FHIT: variants seen among roughly 807,000 people sequenced by gnomAD.
FHIT encodes bis(5'-adenosyl)-triphosphatase.
FHIT carries 19 observed loss-of-function variants against 17.9 expected under a neutral mutation model. That is an observed-to-expected ratio of 1.06 (90% CI 0.74 to 1.56). The LOEUF is 1.56. Ranked by LOEUF, FHIT falls within the 40% of genes most tolerant of loss-of-function variation. The probability of loss-of-function intolerance (pLI) is 0.00; values close to 1 mark genes in which losing one functional copy is unlikely to be tolerated. For missense variants in FHIT, 248 were observed against 189.2 expected (o/e 1.31, Z -1.82); for synonymous variants, 81 against 69.7 (o/e 1.16, Z -0.81).
At chr3:59,859,428 C>T (rs1432901911) in intron 8 of FHIT, among the ~76,000 whole-genome samples, 1 of 152,168 alleles carries the variant, frequency 6.6e-6, no homozygotes, top group Non-Finnish European at 1.5e-5. Context: ...GAATAAAAAT[C>T]CATTCCAGGC....
chr3:61,065,450 A>T (rs7619351), intron 2 of FHIT, among the ~76,000 whole-genome samples: 83,385 of 151,922 alleles, frequency 0.55, 24,003 homozygotes, highest in Non-Finnish European at 0.65. Flanking sequence ...AGAATCATGG[A>T]ATATAAAAAT....
chr3:60,434,242 C>T (rs970054918), intron 5 of FHIT, among the ~76,000 whole-genome samples: 6 of 152,094 alleles, frequency 3.9e-5, no homozygotes, highest in African/African-American at 1.4e-4. Context: ...CCACTATCTA[C>T]CTCTCAGCAT....
chr3:60,657,297 T>C (rs2040139788), intron 4 of FHIT, among the ~76,000 whole-genome samples: 1 of 152,160 alleles, frequency 6.6e-6, no homozygotes. Context: ...TGGAGAGTTC[T>C]CAAAATGTTG....
chr3:59,904,570 G>C (rs1704496160), intron 8 of FHIT, among the ~76,000 whole-genome samples: 1 of 152,174 alleles, frequency 6.6e-6, no homozygotes, highest in Admixed American at 6.5e-5. Context: ...GGGAACCCCT[G>C]GCCAGTGATG....
At chr3:60,259,707 T>G (rs943237617) in intron 5 of FHIT, among the ~76,000 whole-genome samples, 1 of 152,090 alleles carries the variant, frequency 6.6e-6, no homozygotes, top group African/African-American at 2.4e-5. Flanking sequence ...CCCAGGGACT[T>G]GCAGACAGTA....
At chr3:60,984,814 G>A (rs1710652215) in intron 3 of FHIT, among the ~76,000 whole-genome samples, 1 of 130,444 alleles carries the variant, frequency 7.7e-6, no homozygotes, top group Non-Finnish European at 1.6e-5. Context: ...GTGTGTGTGT[G>A]TGCATATACA....
At chr3:59,799,408 C>G (rs1559616534) in intron 8 of FHIT, among the ~76,000 whole-genome samples, 1 of 111,450 alleles carries the variant, frequency 9.0e-6, no homozygotes. Context: ...TTTGGTTTCT[C>G]AAGGCCTGTG....
chr3:60,011,498 TTG>T, intron 6 of FHIT, 98 bp from the exon 7 acceptor site: 1 of 1,043,866 alleles, frequency 9.6e-7, no homozygotes, highest in South Asian at 1.3e-5. Flanking sequence ...TGCAATTTCA[TTG>T]TGTGTTAATT....
chr3:60,945,777 T>C (rs1318141206), intron 3 of FHIT, among the ~76,000 whole-genome samples: 1 of 152,208 alleles, frequency 6.6e-6, no homozygotes, highest in Non-Finnish European at 1.5e-5. Flanking sequence ...ATTGTTTCTC[T>C]TTCTCCAGTG....
intron 3 of FHIT, among the ~76,000 whole-genome samples, chr3:60,955,272 T>C (rs1553778345): frequency 6.6e-6 from 1 of 152,062 alleles, no homozygotes; most frequent in African/African-American, 2.4e-5. Context: ...GAATAAATCT[T>C]AGAAACAGAA....
intron 3 of FHIT, among the ~76,000 whole-genome samples, chr3:60,853,687 A>G (rs1703247572): frequency 6.6e-6 from 1 of 152,152 alleles, no homozygotes; most frequent in African/African-American, 2.4e-5. Context: ...AGCTGACTTA[A>G]TGGCAGTTGT....
chr3:60,029,627 A>G (rs1039369298), intron 5 of FHIT, among the ~76,000 whole-genome samples: 2 of 152,176 alleles, frequency 1.3e-5, no homozygotes, highest in African/African-American at 4.8e-5. Flanking sequence ...GTTACTGTCT[A>G]CCTAAATAAC....
In FHIT at chr3:60,178,621, T is replaced by C. The variant is rs114627013; in HGVS notation, c.104-164469A>G. 6.9e-3 allele frequency among the ~76,000 whole-genome samples: 1,053 copies of C among 152,112 alleles called. 13 individuals carry two copies. Among genetic ancestry groups the C allele is most frequent in the African/African-American group, 0.025 (1,018 of 41,530 alleles). ...GGGAGGGAGAAAGAAAAAGCACAGA[T>C]ATGTCAAGTCAGATTCACTTCATCA... On this transcript the variant is annotated intron_variant, in intron 5 of 9. Transcript: ENST00000492590.
At chr3:59,846,675 T>G (rs1043091344) in intron 8 of FHIT, among the ~76,000 whole-genome samples, 1 of 152,190 alleles carries the variant, frequency 6.6e-6, no homozygotes, top group Non-Finnish European at 1.5e-5. Flanking sequence ...AAGACCTTTA[T>G]TTCTTTATAT....
chr3:60,269,476 C>A (rs1160660268), intron 5 of FHIT, among the ~76,000 whole-genome samples: 1 of 152,216 alleles, frequency 6.6e-6, no homozygotes, highest in Non-Finnish European at 1.5e-5. Flanking sequence ...CTATGGGATA[C>A]TACTTCCTGA....
chr3:60,159,954 C>G (rs553461167), intron 5 of FHIT, among the ~76,000 whole-genome samples: 1 of 152,278 alleles, frequency 6.6e-6, no homozygotes, highest in East Asian at 1.9e-4. Flanking sequence ...ACTACACTGC[C>G]TTGTTCCAAA....
chr3:60,710,159 A>C (rs1490045582), intron 4 of FHIT, among the ~76,000 whole-genome samples: 1 of 152,222 alleles, frequency 6.6e-6, no homozygotes, highest in Non-Finnish European at 1.5e-5. Flanking sequence ...TTCTTAGAAA[A>C]AGTTGACTTT....
At chr3:60,309,702 C>G (rs1708853201) in intron 5 of FHIT, among the ~76,000 whole-genome samples, 1 of 152,114 alleles carries the variant, frequency 6.6e-6, no homozygotes, top group African/African-American at 2.4e-5. Flanking sequence ...TGCAAACCAT[C>G]TGAGATCCTA....
chr3:60,675,631 T>C (rs1227177390), intron 4 of FHIT, among the ~76,000 whole-genome samples: 7 of 152,338 alleles, frequency 4.6e-5, no homozygotes, highest in Middle Eastern at 6.8e-3. Flanking sequence ...TTGCACCTGA[T>C]ACCTAAGCAG....
Sources: allele counts gnomAD v4.1 joint callset (sites outside exome capture counted in the v4.1 genomes callset), GRCh38; gene constraint gnomAD v4.1.1; transcripts MANE v1.5; gene names NCBI Gene and HGNC (gene_info 2026-07-23, HGNC 2026-07-21).